MRPL38: variants seen among roughly 807,000 people sequenced by gnomAD.
MRPL38 encodes the protein mitochondrial ribosomal protein L38.
Under a neutral mutation model 52.1 loss-of-function variants are expected in MRPL38, and 51 were observed. That is an observed-to-expected ratio of 0.98 (90% CI 0.78 to 1.24). MRPL38 has a LOEUF of 1.24. MRPL38 is among the 50% of genes most tolerant of loss of function. MRPL38 has a pLI of 0.00. For synonymous variants in MRPL38, 245 were observed against 212.7 expected (o/e 1.15, Z -1.32); for missense variants, 527 against 518.6 (o/e 1.02, Z -0.16).
chr17:75,904,773 C>T (rs1349096896), intron 1 of MRPL38, 36 bp downstream of exon 1: 3 of 150,114 alleles, frequency 2.0e-5, no homozygotes, highest in Non-Finnish European at 2.8e-5. Flanking sequence ...GGCGACAGCC[C>T]CCCCCCCCCC....
At position 75,901,764 on chromosome 17, in the gene MRPL38, C is replaced by T; in HGVS notation, c.539G>A (p.Gly180Asp). Reference protein sequence around the residue: ...RVPLHVAYAVGEDDLMPVYCG... With the variant: ...RVPLHVAYAVDEDDLMPVYCG... Reference sequence around the variant, plus strand: ...GTACACAGGCATCAGGTCATCCTCACCCACAGCGTAGGCCACGTGCAGGGG... The same window carrying T: ...GTACACAGGCATCAGGTCATCCTCATCCACAGCGTAGGCCACGTGCAGGGG... The change falls in exon 4 of 9, where the codon GGT (glycine) becomes GAT (aspartate). Residue 180 changes from glycine (G) to aspartate (D), a missense_variant. Transcript: ENST00000309352. The surrounding 1 kb of genome is among the most constrained non-coding windows in gnomAD (Gnocchi z 5.7). 5.0e-6 allele frequency: 8 copies of T among 1,613,776 alleles called. No individual in the cohort carries two copies. The highest frequency in any genetic ancestry group is 5.9e-6 in the Non-Finnish European group (7 of 1,179,886).
In MRPL38 at chr17:75,904,609, G is replaced by T; in HGVS notation, c.178C>A (p.Arg60=). Residue 60 remains arginine, a synonymous_variant, in exon 2 of 9, where the codon CGA becomes AGA. Coordinates refer to ENST00000309352, the MANE Select transcript of MRPL38 (RefSeq NM_032478.4). ...KYRSFDRYRR[R]AEQEAQAPHW... Reference sequence around the variant, plus strand: ...GGGGCCTGCGCCTCCTGCTCTGCTCGGCGCCGGTAGCGGTCGAAGCTCCGG... The same window carrying T: ...GGGGCCTGCGCCTCCTGCTCTGCTCTGCGCCGGTAGCGGTCGAAGCTCCGG... The T allele has an allele frequency of 6.3e-7, 1 of 1,592,924 alleles. No individual in the cohort carries two copies. Among genetic ancestry groups the T allele is most frequent in the South Asian group, 1.1e-5 (1 of 89,546 alleles).
chr17:75,899,306 TAGAG>T lies in MRPL38; in HGVS notation c.870-16_870-13del, dbSNP rs776722551. 8.6e-5 allele frequency: 139 copies of T among 1,611,618 alleles called. 1 individual carries two copies. The Middle Eastern group carries it at 9.9e-4, about 11-fold the overall frequency. ...GGGCCAGCTGATAGCTATGAGAAGA[TAGAG>T]AGCGTATGAGAGTGTGGAGTGGGGC... On this transcript the variant is annotated splice_polypyrimidine_tract_variant and intron_variant, in intron 7 of 8. Transcript: ENST00000309352.
chr17:75,902,175 G>A, intron 2 of MRPL38, 21 bp from the exon 3 acceptor site: 3 of 1,550,094 alleles, frequency 1.9e-6, no homozygotes, highest in Non-Finnish European at 2.6e-6. Flanking sequence ...AAGATGTGTG[G>A]GAAAAACAGG....
chr17:75,904,768 C>CTGGGGGGG, intron 1 of MRPL38, 41 bp downstream of exon 1: 1 of 1,056,384 alleles, frequency 9.5e-7, no homozygotes, highest in South Asian at 1.6e-5. Context: ...GCTCGGGCGA[C>CTGGGGGGG]AGCCCCCCCC....
chr17:75,900,285 G>A (rs545449726), intron 6 of MRPL38: 4 of 152,454 alleles, frequency 2.6e-5, no homozygotes, highest in Admixed American at 1.3e-4. Flanking sequence ...CAGGGAAGGA[G>A]CGCCCAGTGG....
chr17:75,899,336 A>C, intron 7 of MRPL38, 42 bp from the exon 8 acceptor site: 1 of 1,598,578 alleles, frequency 6.3e-7, no homozygotes, highest in South Asian at 1.1e-5. Flanking sequence ...GGAGTGGGGC[A>C]CCAGAGCCCC....
rs369315803 is a variant in MRPL38 at position 75,900,941 on chromosome 17, G to C, written c.710+41C>G. 6.3e-6 allele frequency: 10 copies of C among 1,577,024 alleles called. No individual in the cohort carries two copies. In the East Asian group the frequency reaches 2.0e-4, roughly 32 times the overall value. On this transcript the variant is annotated intron_variant, in intron 6 of 8. Transcript: ENST00000309352. ...GTCCAGGCTCCCAGCTCCTCTTCCC[G>C]CCTGGGCAGCACCCCCTACCCCCAG...
In MRPL38 at chr17:75,898,971, A is replaced by G; in HGVS notation, c.1022T>C (p.Val341Ala). The G allele has an allele frequency of 6.3e-7, 1 of 1,599,480 alleles. No homozygotes were observed. The highest frequency in any genetic ancestry group is 8.5e-7 in the Non-Finnish European group (1 of 1,174,264). Reference protein sequence around the residue: ...FHQLLDMREPVFEFVRPPPYH... With the variant: ...FHQLLDMREPAFEFVRPPPYH... ...AGGGGGCGGCCGCACGAACTCAAAC[A>G]CCGGCTCCCGCATGTCTGCAAGAAG... Residue 341 changes from valine (V) to alanine (A), a missense_variant, in exon 9 of 9, where the codon GTG becomes GCG. Physicochemically the swap from Val to Ala is moderately conservative, Grantham distance 64. Transcript: ENST00000309352.
At chr17:75,899,100 G>T in intron 8 of MRPL38, 58 bp downstream of exon 8, 1 of 1,554,208 alleles carries the variant, frequency 6.4e-7, no homozygotes, top group Admixed American at 2.0e-5. Context: ...CTCCCTGGCA[G>T]GGCAGGCGAG....
At chr17:75,899,333 G>A (rs1399652791) in intron 7 of MRPL38, 39 bp from the exon 8 acceptor site, 3 of 1,602,110 alleles carry the variant, frequency 1.9e-6, no homozygotes, top group Non-Finnish European at 2.6e-6. Context: ...TGTGGAGTGG[G>A]GCACCAGAGC....
At chr17:75,899,382 CCCTGGGAGTCTGCTAGCACCCTAT>C (rs2065393456) in intron 7 of MRPL38, 88 bp from the exon 8 acceptor site, 1 of 1,533,328 alleles carries the variant, frequency 6.5e-7, no homozygotes, top group Admixed American at 2.0e-5. Context: ...CCTGAGAGGC[CCCTGGGAGTCTGCTAGCACCCTAT>C]CCTGCTCTTC....
At position 75,904,872 on chromosome 17, in the gene MRPL38, C is replaced by T; in HGVS notation, c.4G>A (p.Ala2Thr). M[A>T]APWWRAALCE... Reference sequence around the variant, plus strand: ...AGCGCGGCTCGCCACCAGGGCGCCGCCATCTTCCCTCCGGCCTGCGACACT... The same window carrying T: ...AGCGCGGCTCGCCACCAGGGCGCCGTCATCTTCCCTCCGGCCTGCGACACT... The change falls in exon 1 of 9, where the codon GCG becomes ACG. Residue 2 changes from alanine (A) to threonine (T), a missense_variant. Transcript: ENST00000309352. 6.5e-7 allele frequency: 1 copy of T among 1,526,794 alleles called. No individual in the cohort carries two copies. The highest frequency in any genetic ancestry group is 8.7e-7 in the Non-Finnish European group (1 of 1,143,818). 94.6% of individuals were successfully genotyped at this position (1,526,794 alleles called of 1,614,324 possible).
At chr17:75,899,070 G>A in intron 8 of MRPL38, 84 bp from the exon 9 acceptor site, 1 of 1,535,628 alleles carries the variant, frequency 6.5e-7, no homozygotes, top group South Asian at 1.2e-5. Flanking sequence ...ACCTGCCGCA[G>A]CCTTCCCCTA....
At chr17:75,899,860 G>A (rs528812451) in intron 6 of MRPL38, 186 bp from the exon 7 acceptor site, 12 of 427,010 alleles carry the variant, frequency 2.8e-5, no homozygotes, top group African/African-American at 2.2e-4. Context: ...TACGGGAAGC[G>A]GGCTGGAGGA....
Position 75,899,694 on chromosome 17 carries a change from G to C in MRPL38, c.711-20C>G, listed in dbSNP as rs769278289. ...TTGGTTCTGGGAGGAGGAAAGTCCCGGTTAATTACCACTCCAGGGAGGCAG... is the reference window on the plus strand; with the variant it reads ...TTGGTTCTGGGAGGAGGAAAGTCCCCGTTAATTACCACTCCAGGGAGGCAG... On this transcript the variant is annotated intron_variant, in intron 6 of 8. Transcript: ENST00000309352. 1 of 1,540,284 alleles carries C rather than the reference G, an allele frequency of 6.5e-7. No individual in the cohort carries two copies.
In MRPL38 at chr17:75,898,922, G is replaced by A; in HGVS notation, c.1071C>T (p.Phe357=). 6.2e-7 allele frequency: 1 copy of A among 1,610,606 alleles called. No individual in the cohort carries two copies. Among genetic ancestry groups the A allele is most frequent in the Non-Finnish European group, 8.5e-7 (1 of 1,179,190 alleles). ...PPPYHPKQKR[F]PHRQPLRYLD... is the part of the protein sequence containing the mutation. ...GGTAGCGCAGGGGCTGCCGGTGGGG[G>A]AAGCGCTTCTGCTTGGGGTGGTAAG... The change falls in exon 9 of 9, where the codon TTC becomes TTT. Residue 357 remains phenylalanine, a synonymous_variant. Coordinates refer to ENST00000309352, the MANE Select transcript of MRPL38 (RefSeq NM_032478.4).
intron 1 of MRPL38, 39 bp downstream of exon 1, chr17:75,904,770 G>GGGGGGCCCCCCCC: frequency 2.0e-6 from 1 of 500,008 alleles, no homozygotes; most frequent in Non-Finnish European, 2.8e-6. Flanking sequence ...TCGGGCGACA[G>GGGGGGCCCCCCCC]CCCCCCCCCC....
At chr17:75,903,234 C>G (rs1343674113) in intron 2 of MRPL38, among the ~76,000 whole-genome samples, 3 of 152,106 alleles carry the variant, frequency 2.0e-5, no homozygotes, top group Non-Finnish European at 4.4e-5. Context: ...TATGGTGAAA[C>G]CCCATCTCTA....
Sources: allele counts gnomAD v4.1 joint callset (sites outside exome capture counted in the v4.1 genomes callset), GRCh38; gene constraint gnomAD v4.1.1; non-coding constraint Gnocchi (gnomAD v3.1); transcripts MANE v1.5; gene names NCBI Gene and HGNC (gene_info 2026-07-23, HGNC 2026-07-21).